HNRNPLL: variants seen among roughly 807,000 people sequenced by gnomAD.
HNRNPLL encodes heterogeneous nuclear ribonucleoprotein L like, also known as heterogeneous nuclear ribonucleoprotein L-like.
HNRNPLL carries 25 observed loss-of-function variants against 67.1 expected under a neutral mutation model. That is an observed-to-expected ratio of 0.37 (90% CI 0.27 to 0.52). HNRNPLL has a LOEUF of 0.52. HNRNPLL is among the 20% of genes least tolerant of loss of function. HNRNPLL has a pLI of 0.90. For synonymous variants in HNRNPLL, 267 were observed against 241.7 expected (o/e 1.10, Z -0.97); for missense variants, 542 against 673.9 (o/e 0.80, Z 2.17).
rs746775552 is a variant in HNRNPLL, at chr2:38,591,652, G to A, written c.190-4C>T. The A allele has an allele frequency of 3.1e-6, 5 of 1,591,270 alleles. No individual in the cohort carries two copies. The South Asian group carries it at 4.4e-5, about 14-fold the overall frequency. On this transcript the variant is annotated splice_region_variant and splice_polypyrimidine_tract_variant and intron_variant, in intron 1 of 12. Coordinates refer to ENST00000449105, the MANE Select transcript of HNRNPLL (RefSeq NM_138394.4). ...TATGATGACTTCCACCTGCCTCCTA[G>A]CAAGAGAAAATAATTTCTAGTTAAA... is the stretch of plus-strand genomic sequence containing the variant.
At chr2:38,599,481 AG>A (rs1667335384) in intron 1 of HNRNPLL, among the ~76,000 whole-genome samples, 1 of 152,206 alleles carries the variant, frequency 6.6e-6, no homozygotes, top group Non-Finnish European at 1.5e-5. Context: ...ACAAGAAAAA[AG>A]TAACTGTATA....
At position 38,601,221 on chromosome 2, in the gene HNRNPLL, T is replaced by C. The variant is rs561091187; in HGVS notation, c.189+1217A>G. On this transcript the variant is annotated intron_variant, in intron 1 of 12. Coordinates refer to ENST00000449105, the MANE Select transcript of HNRNPLL (RefSeq NM_138394.4). ...ACCGTAACAAGACTGAGAGAAAAAGTTCCTTTTTTAAATGTGTTGCAAAGT... is the reference window on the plus strand; with the variant it reads ...ACCGTAACAAGACTGAGAGAAAAAGCTCCTTTTTTAAATGTGTTGCAAAGT... 1.9e-3 allele frequency among the ~76,000 whole-genome samples: 289 copies of C among 152,330 alleles called. 1 individual carries two copies. Among genetic ancestry groups the C allele is most frequent in the African/African-American group, 6.4e-3 (268 of 41,574 alleles).
At chr2:38,566,378 A>C (rs868710478) in intron 12 of HNRNPLL, among the ~76,000 whole-genome samples, 3 of 112,386 alleles carry the variant, frequency 2.7e-5, no homozygotes, top group Non-Finnish European at 5.3e-5. Flanking sequence ...AAAAAAAAAA[A>C]CCAAAAAAAA....
At chr2:38,597,056 T>A (rs569046279) in intron 1 of HNRNPLL, among the ~76,000 whole-genome samples, 1 of 152,262 alleles carries the variant, frequency 6.6e-6, no homozygotes, top group South Asian at 2.1e-4. Context: ...TTTTCACAAC[T>A]CCCTCTTCAC....
intron 6 of HNRNPLL, among the ~76,000 whole-genome samples, chr2:38,579,180 G>C (rs936593074): frequency 1.3e-5 from 2 of 152,050 alleles, no homozygotes; most frequent in African/African-American, 4.8e-5. Flanking sequence ...GGAATCAGAC[G>C]ATTCCAACTT....
intron 8 of HNRNPLL, among the ~76,000 whole-genome samples, chr2:38,570,280 T>C (rs1666022221): frequency 6.6e-6 from 1 of 152,218 alleles, no homozygotes; most frequent in African/African-American, 2.4e-5. Flanking sequence ...TCAACAAATA[T>C]TTATTAAGTG....
intron 12 of HNRNPLL, among the ~76,000 whole-genome samples, chr2:38,566,780 T>A (rs557931905): frequency 6.0e-5 from 9 of 149,512 alleles, no homozygotes; most frequent in African/African-American, 1.7e-4. Flanking sequence ...GCTCAGGAGT[T>A]CAAGACCAGC....
At chr2:38,596,111 T>C (rs1667177417) in intron 1 of HNRNPLL, among the ~76,000 whole-genome samples, 1 of 151,830 alleles carries the variant, frequency 6.6e-6, no homozygotes, top group African/African-American at 2.4e-5. Flanking sequence ...ATAAAACCAA[T>C]GTATCAAAGG....
At chr2:38,581,870 T>C (rs1328181009) in intron 6 of HNRNPLL, 43 bp downstream of exon 6, 1 of 1,268,178 alleles carries the variant, frequency 7.9e-7, no homozygotes, top group Non-Finnish European at 1.2e-6. Context: ...TATAAAAATT[T>C]GTCAGCAGAT....
At chr2:38,583,414 T>C (rs971460643) in intron 4 of HNRNPLL, among the ~76,000 whole-genome samples, 1 of 152,172 alleles carries the variant, frequency 6.6e-6, no homozygotes, top group Non-Finnish European at 1.5e-5. Flanking sequence ...TAACTTGCTC[T>C]TCTTACTCAA....
chr2:38,574,942 C>T (rs931849393), intron 7 of HNRNPLL, among the ~76,000 whole-genome samples: 2 of 151,788 alleles, frequency 1.3e-5, no homozygotes, highest in African/African-American at 2.4e-5. Flanking sequence ...AGTACATATA[C>T]ATAATATACT....
intron 8 of HNRNPLL, among the ~76,000 whole-genome samples, chr2:38,571,394 CAATGACATA>C (rs1160992583): frequency 1.3e-5 from 2 of 152,134 alleles, no homozygotes; most frequent in Non-Finnish European, 2.9e-5. Flanking sequence ...ACTCCTGTAC[CAATGACATA>C]GATGACACCT....
At chr2:38,597,049 T>C (rs149077249) in intron 1 of HNRNPLL, among the ~76,000 whole-genome samples, 54 of 152,322 alleles carry the variant, frequency 3.5e-4, no homozygotes, top group African/African-American at 1.3e-3. Flanking sequence ...TTTTATTTTT[T>C]CACAACTCCC....
At chr2:38,570,552 T>C (rs1450145504) in intron 8 of HNRNPLL, among the ~76,000 whole-genome samples, 3 of 152,168 alleles carry the variant, frequency 2.0e-5, no homozygotes, top group South Asian at 2.1e-4. Context: ...TCAGGACAGT[T>C]TGGGCAGAGG....
In HNRNPLL at chr2:38,569,335, C is replaced by A; in HGVS notation, c.1215-1G>T. 1 of 1,599,344 alleles carries A rather than the reference C, an allele frequency of 6.3e-7. No individual in the cohort carries two copies. The highest frequency in any genetic ancestry group is 8.6e-7 in the Non-Finnish European group (1 of 1,168,304). On this transcript the variant is annotated splice_acceptor_variant, in intron 9 of 12. Coordinates refer to ENST00000449105, the MANE Select transcript of HNRNPLL (RefSeq NM_138394.4). LOFTEE classifies it high-confidence loss of function. ...AACAACTGAATGTTGTTTAGACACG[C>A]TAAAGATTGTAAAGAAAAGACATAC...
chr2:38,578,259 T>C (rs191087038), intron 6 of HNRNPLL, among the ~76,000 whole-genome samples: 1 of 152,204 alleles, frequency 6.6e-6, no homozygotes, highest in African/African-American at 2.4e-5. Flanking sequence ...GGATAATTTT[T>C]ATTCTAGCTA....
chr2:38,573,428 C>T lies in HNRNPLL; in HGVS notation c.875-1G>A. The T allele has an allele frequency of 6.3e-7, 1 of 1,587,292 alleles. No individual in the cohort carries two copies. The highest frequency in any genetic ancestry group is 8.6e-7 in the Non-Finnish European group (1 of 1,162,372). ...AAAGGCAATAATGGACCATGGGATC[C>T]TATAAAAATGATCAAAATAAATAAA... On this transcript the variant is annotated splice_acceptor_variant, in intron 7 of 12. Coordinates refer to ENST00000449105, the MANE Select transcript of HNRNPLL (RefSeq NM_138394.4). LOFTEE classifies it high-confidence loss of function.
chr2:38,585,500 C>T (rs1666688044), intron 3 of HNRNPLL, 144 bp downstream of exon 3: 1 of 603,608 alleles, frequency 1.7e-6, no homozygotes, highest in African/African-American at 1.9e-5. Flanking sequence ...TTTCTTTGTT[C>T]ATTAAACTTG....
rs185034869 is a variant in HNRNPLL, at chr2:38,562,307, A to G, written c.*1875T>C. ...AACTTACCAACTAGTTTACTCCCAA[A>G]CAATTCACTTATTTTGGTGGAGAGA... is the stretch of plus-strand genomic sequence containing the variant. On this transcript the variant is annotated 3_prime_UTR_variant, in exon 13 of 13. Transcript: ENST00000449105. 3.9e-5 allele frequency: 6 copies of G among 152,298 alleles called. No individual in the cohort carries two copies. Among genetic ancestry groups the G allele is most frequent in the African/African-American group, 1.4e-4 (6 of 41,574 alleles). 9.4% of individuals were successfully genotyped at this position (152,298 alleles called of 1,614,324 possible). A position where few individuals can be genotyped will look rare whatever the true frequency, so the allele number is the denominator to read the frequency against.
Sources: gnomAD v4.1 joint callset for allele counts (sites outside exome capture counted in the v4.1 genomes callset) on GRCh38, gnomAD v4.1.1 for gene constraint, MANE v1.5 for transcripts, NCBI Gene and HGNC (gene_info 2026-07-23, HGNC 2026-07-21) for gene names.